The following FAM110B variants were observed in gnomAD, a reference collection of about 807,000 sequenced individuals.
The protein encoded by FAM110B is protein FAM110B.
FAM110B carries 6 observed loss-of-function variants against 20.4 expected under a neutral mutation model. The observed-to-expected ratio is 0.29, with a 90% CI of 0.16 to 0.58. The LOEUF (loss-of-function observed/expected upper bound fraction) is 0.58. Among genes scored for constraint, FAM110B ranks in the 20% least tolerant of loss-of-function variants. The pLI is 0.90. For missense variants in FAM110B, 434 were observed against 498.2 expected (o/e 0.87, Z 1.23); for synonymous variants, 226 against 214.1 (o/e 1.06, Z -0.49).
chr8:58,132,616 G>C (rs1028191980), intron 3 of FAM110B, among the ~76,000 whole-genome samples: 4 of 152,162 alleles, frequency 2.6e-5, no homozygotes, highest in Non-Finnish European at 5.9e-5. Context: ...GAGAATGACA[G>C]GTGCTGGGCA....
At chr8:58,056,782 T>C (rs1260549789) in intron 2 of FAM110B, among the ~76,000 whole-genome samples, 1 of 152,182 alleles carries the variant, frequency 6.6e-6, no homozygotes, top group Non-Finnish European at 1.5e-5. Flanking sequence ...TGGTTGTTGG[T>C]GTGTGTTCCA....
At chr8:58,068,848 C>A (rs1176155184) in intron 2 of FAM110B, among the ~76,000 whole-genome samples, 4 of 152,142 alleles carry the variant, frequency 2.6e-5, no homozygotes, top group African/African-American at 7.2e-5. Context: ...GACTTCTCTC[C>A]CTTTTCAACA....
chr8:58,129,323 TGTA>T (rs1807593871), intron 3 of FAM110B, among the ~76,000 whole-genome samples: 1 of 152,220 alleles, frequency 6.6e-6, no homozygotes, highest in African/African-American at 2.4e-5. Context: ...ATTACTGAAC[TGTA>T]ATTGCTGGCT....
At chr8:58,043,760 T>C (rs2150577717) in intron 2 of FAM110B, among the ~76,000 whole-genome samples, 1 of 152,340 alleles carries the variant, frequency 6.6e-6, no homozygotes, top group Non-Finnish European at 1.5e-5. Context: ...CTATTTTACA[T>C]GTATTACCTC....
chr8:58,087,556 A>G (rs73682141), intron 3 of FAM110B, among the ~76,000 whole-genome samples: 20,604 of 152,164 alleles, frequency 0.14, 3,694 homozygotes, highest in African/African-American at 0.41. Flanking sequence ...CCTCTGCCTC[A>G]TTCGCCATCA....
At chr8:58,113,320 G>T in intron 3 of FAM110B, 1 of 213,438 alleles carries the variant, frequency 4.7e-6, no homozygotes. Flanking sequence ...GTAACAGCTG[G>T]AGTGAATGCC....
At chr8:58,141,917 A>AT (rs1563384461) in intron 3 of FAM110B, among the ~76,000 whole-genome samples, 1 of 151,972 alleles carries the variant, frequency 6.6e-6, no homozygotes, top group Non-Finnish European at 1.5e-5. Flanking sequence ...TGGCTTTAGC[A>AT]TTTTTTTCAA....
chr8:58,146,452 C>T lies in FAM110B; in HGVS notation c.222C>T (p.Pro74=), dbSNP rs1405511634. 9.9e-6 allele frequency: 16 copies of T among 1,613,478 alleles called. No individual in the cohort carries two copies. The highest frequency in any genetic ancestry group is 2.2e-5 in the East Asian group (1 of 44,862). ...AGGTGATCAACGCCAAGCAGGAGCC[C>T]GTGAAGCCCGCCGTGCTGGCCAAGC... The part of the protein sequence containing the change: ...SQEVINAKQE[P]VKPAVLAKPP... The change falls in exon 4 of 4, where the codon CCC becomes CCT. Residue 74 remains proline, a synonymous_variant. Coordinates refer to ENST00000519262, the MANE Select transcript of FAM110B (RefSeq NM_001377989.1).
chr8:58,000,033 TGAA>T (rs1197645987), intron 1 of FAM110B, among the ~76,000 whole-genome samples: 1 of 152,224 alleles, frequency 6.6e-6, no homozygotes, highest in African/African-American at 2.4e-5. Flanking sequence ...ATTAAAAGCC[TGAA>T]GAAGAATACA....
chr8:58,003,960 G>T (rs1226618848), intron 1 of FAM110B, among the ~76,000 whole-genome samples: 1 of 151,722 alleles, frequency 6.6e-6, no homozygotes, highest in Admixed American at 6.6e-5. Context: ...AGCTATGAAA[G>T]TTTTGACCAG....
At chr8:58,120,302 C>G (rs974150741) in intron 3 of FAM110B, among the ~76,000 whole-genome samples, 4 of 152,062 alleles carry the variant, frequency 2.6e-5, no homozygotes, top group Admixed American at 6.5e-5. Flanking sequence ...TCTGAATTAT[C>G]CACTGAACTA....
At chr8:58,038,788 G>C (rs1413070631) in intron 2 of FAM110B, among the ~76,000 whole-genome samples, 1 of 151,942 alleles carries the variant, frequency 6.6e-6, no homozygotes, top group South Asian at 2.1e-4. Context: ...AGTAACAAGT[G>C]CATCAAATTA....
chr8:57,999,381 G>A (rs571358556), intron 1 of FAM110B, among the ~76,000 whole-genome samples: 1 of 152,250 alleles, frequency 6.6e-6, no homozygotes, highest in East Asian at 1.9e-4. Flanking sequence ...CAGACATATG[G>A]GAAATTTTTG....
At chr8:58,051,298 T>C (rs557337417) in intron 2 of FAM110B, among the ~76,000 whole-genome samples, 1 of 152,160 alleles carries the variant, frequency 6.6e-6, no homozygotes, top group Non-Finnish European at 1.5e-5. Flanking sequence ...GAGCAACTTA[T>C]CAAAATCACT....
At chr8:58,017,030 G>A (rs755239741) in intron 1 of FAM110B, among the ~76,000 whole-genome samples, 11 of 152,160 alleles carry the variant, frequency 7.2e-5, no homozygotes, top group Non-Finnish European at 1.5e-4. Context: ...GAGAACTTTA[G>A]CAGTTTACTT....
chr8:58,047,702 T>A (rs1805358049), intron 2 of FAM110B, among the ~76,000 whole-genome samples: 1 of 148,248 alleles, frequency 6.7e-6, no homozygotes, highest in Non-Finnish European at 1.5e-5. Flanking sequence ...ATAGGAATAG[T>A]AATACAGGCA....
intron 2 of FAM110B, among the ~76,000 whole-genome samples, chr8:58,053,807 A>G (rs1023541869): frequency 2.0e-5 from 3 of 152,160 alleles, no homozygotes; most frequent in Non-Finnish European, 4.4e-5. Flanking sequence ...CACTTAAAAA[A>G]TTTTTCTGTT....
At chr8:58,066,813 C>T (rs1008288553) in intron 2 of FAM110B, among the ~76,000 whole-genome samples, 2 of 152,168 alleles carry the variant, frequency 1.3e-5, no homozygotes, top group Non-Finnish European at 2.9e-5. Context: ...TGCTGCTCAG[C>T]ACTCAGCCCT....
chr8:58,146,238 CG>C lies in FAM110B; in HGVS notation c.10del (p.Glu4ArgfsTer9). MP[T>X]ETLQTGSMVK... ...GGGGAAAGACCGCCCACCATGCCCA[CG>C]GAGACCCTACAGACAGGTAGCATGG... On this transcript the variant is annotated frameshift_variant, in exon 4 of 4. Coordinates refer to ENST00000519262, the MANE Select transcript of FAM110B (RefSeq NM_001377989.1). LOFTEE classifies it high-confidence loss of function. 6.3e-7 allele frequency: 1 copy of C among 1,596,738 alleles called. No individual in the cohort carries two copies. The highest frequency in any genetic ancestry group is 8.6e-7 in the Non-Finnish European group (1 of 1,168,356).
Sources: allele counts gnomAD v4.1 joint callset (sites outside exome capture counted in the v4.1 genomes callset), GRCh38; gene constraint gnomAD v4.1.1; transcripts MANE v1.5; gene names NCBI Gene and HGNC (gene_info 2026-07-23, HGNC 2026-07-21).